Variants in RARB observed in about 807,000 individuals in gnomAD.
RARB encodes HBV-activated protein.
A neutral mutation model predicts 51.9 loss-of-function variants in RARB; 17 were observed. That is an observed-to-expected ratio of 0.33 (90% CI 0.22 to 0.49). The LOEUF (loss-of-function observed/expected upper bound fraction) is 0.49. RARB is among the 20% of genes least tolerant of loss of function. RARB has a pLI of 0.99. For synonymous variants in RARB, 215 were observed against 195.4 expected (o/e 1.10, Z -0.84); for missense variants, 369 against 550.8 (o/e 0.67, Z 3.30).
intron 5 of RARB, among the ~76,000 whole-genome samples, chr3:25,286,358 G>C (rs769298152): frequency 5.3e-5 from 8 of 152,146 alleles, no homozygotes; most frequent in Non-Finnish European, 1.2e-4. Flanking sequence ...AAAGTGCTGG[G>C]ATTACAGGCG....
At chr3:25,225,547 C>T (rs1702038571) in intron 5 of RARB, among the ~76,000 whole-genome samples, 1 of 152,022 alleles carries the variant, frequency 6.6e-6, no homozygotes, top group African/African-American at 2.4e-5. Context: ...TCTTTAAATT[C>T]CCAATAATTA....
intron 5 of RARB, among the ~76,000 whole-genome samples, chr3:25,309,046 T>C (rs757532207): frequency 6.6e-6 from 1 of 152,114 alleles, no homozygotes; most frequent in Admixed American, 6.5e-5. Flanking sequence ...AAAACCACTT[T>C]GTTGATCTGT....
chr3:24,849,659 C>T (rs1187504621), intron 1 of RARB, among the ~76,000 whole-genome samples: 1 of 152,228 alleles, frequency 6.6e-6, no homozygotes, highest in Admixed American at 6.5e-5. Flanking sequence ...GTATTTTCTC[C>T]ATAAAGCACA....
intron 2 of RARB, among the ~76,000 whole-genome samples, chr3:25,041,286 T>C (rs953317257): frequency 6.6e-6 from 1 of 152,232 alleles, no homozygotes; most frequent in African/African-American, 2.4e-5. Flanking sequence ...ACTAAAGTTC[T>C]ATATTTGATG....
intron 3 of RARB, among the ~76,000 whole-genome samples, chr3:25,086,623 T>C (rs1699110490): frequency 6.6e-6 from 1 of 151,896 alleles, no homozygotes. Context: ...TTTTAGGGAG[T>C]CATAAGACAT....
chr3:24,994,205 G>T (rs1394731797), intron 2 of RARB, among the ~76,000 whole-genome samples: 1 of 152,040 alleles, frequency 6.6e-6, no homozygotes, highest in African/African-American at 2.4e-5. Flanking sequence ...ATTCTAACTA[G>T]GGTGAGATGA....
intron 3 of RARB, among the ~76,000 whole-genome samples, chr3:25,121,436 T>G (rs1274033653): frequency 1.3e-5 from 2 of 152,194 alleles, no homozygotes; most frequent in Non-Finnish European, 2.9e-5. Flanking sequence ...TTGGAAAATG[T>G]AACACAGTTA....
chr3:24,868,995 G>T (rs139460806), intron 2 of RARB, among the ~76,000 whole-genome samples: 141 of 152,262 alleles, frequency 9.3e-4, no homozygotes, highest in African/African-American at 2.8e-3. Flanking sequence ...TGAGGGCCAT[G>T]TCAAAGGCCT....
At chr3:25,539,623 A>G (rs1209823572) in intron 3 of RARB, among the ~76,000 whole-genome samples, 1 of 105,348 alleles carries the variant, frequency 9.5e-6, no homozygotes, top group Non-Finnish European at 1.8e-5. Context: ...TTTCCCCCCC[A>G]CACTCTCTAC....
intron 2 of RARB, among the ~76,000 whole-genome samples, chr3:25,479,232 T>C (rs146014531): frequency 2.6e-4 from 39 of 152,262 alleles, no homozygotes; most frequent in Non-Finnish European, 4.0e-4. Context: ...TGAGAAAATA[T>C]GCAGGGGTAT....
intron 3 of RARB, among the ~76,000 whole-genome samples, chr3:25,526,253 A>G (rs1698641569): frequency 6.6e-6 from 1 of 152,162 alleles, no homozygotes; most frequent in South Asian, 2.1e-4. Flanking sequence ...GAATATAGTA[A>G]GTGAGGAAGG....
At chr3:25,033,048 A>T (rs1207935997) in intron 2 of RARB, among the ~76,000 whole-genome samples, 1 of 152,200 alleles carries the variant, frequency 6.6e-6, no homozygotes, top group East Asian at 1.9e-4. Context: ...AATAATCATC[A>T]AATATCTTCT....
intron 2 of RARB, among the ~76,000 whole-genome samples, chr3:25,009,288 A>G (rs1331267485): frequency 6.6e-6 from 1 of 152,156 alleles, no homozygotes; most frequent in East Asian, 1.9e-4. Context: ...TTCGTTCTAT[A>G]ATTTTGTGAC....
At chr3:25,523,873 T>C (rs1005914476) in intron 3 of RARB, among the ~76,000 whole-genome samples, 1 of 152,196 alleles carries the variant, frequency 6.6e-6, no homozygotes, top group Non-Finnish European at 1.5e-5. Context: ...CATTGCATTA[T>C]TTTTTTAAAT....
intron 2 of RARB, among the ~76,000 whole-genome samples, chr3:24,882,027 G>A (rs1703176991): frequency 6.6e-6 from 1 of 152,104 alleles, no homozygotes; most frequent in Non-Finnish European, 1.5e-5. Flanking sequence ...CCATAACAAT[G>A]AAAAATTGAA....
chr3:25,119,378 G>GCA (rs1412372024), intron 3 of RARB, among the ~76,000 whole-genome samples: 2 of 152,114 alleles, frequency 1.3e-5, no homozygotes, highest in African/African-American at 4.8e-5. Flanking sequence ...AACTGTGTTT[G>GCA]CTACAGTTTT....
intron 1 of RARB, among the ~76,000 whole-genome samples, chr3:25,446,818 A>G (rs920592286): frequency 7.1e-6 from 1 of 140,558 alleles, no homozygotes; most frequent in Non-Finnish European, 1.6e-5. Context: ...AAAAAAAAAA[A>G]AAAAAAAAAA....
chr3:25,322,227 A>C (rs1246085446), intron 5 of RARB, among the ~76,000 whole-genome samples: 1 of 141,828 alleles, frequency 7.1e-6, no homozygotes, highest in South Asian at 2.5e-4. Flanking sequence ...GGCGGGGGGG[A>C]AGCAAGCTTC....
chr3:25,487,566 G>A (rs182568477), intron 2 of RARB, among the ~76,000 whole-genome samples: 13 of 151,722 alleles, frequency 8.6e-5, no homozygotes, highest in Non-Finnish European at 1.8e-4. Context: ...AACAAGATGA[G>A]AGGCAATGAT....
Sources: allele counts gnomAD v4.1 joint callset (sites outside exome capture counted in the v4.1 genomes callset), GRCh38; gene constraint gnomAD v4.1.1; transcripts MANE v1.5; gene names NCBI Gene and HGNC (gene_info 2026-07-23, HGNC 2026-07-21).